Variants in PCDHB5 observed in about 807,000 individuals in gnomAD.
PCDHB5 encodes the protein protocadherin beta 5.
For synonymous variants in PCDHB5, 569 were observed against 462.2 expected (o/e 1.23, Z -2.96); for missense variants, 1,125 against 1,029.4 (o/e 1.09, Z -1.27).
At position 141,138,245 on chromosome 5, in the gene PCDHB5, A is replaced by G. The variant is rs782617036; in HGVS notation, c.*423A>G. On this transcript the variant is annotated 3_prime_UTR_variant, in exon 1 of 1. Transcript: ENST00000231134. ...TTTTAATTGTTTAAAACAAAGACAA[A>G]TACATACATATGCTAACAAATGAAA... is the stretch of plus-strand genomic sequence containing the variant. 5 of 157,784 alleles carry G rather than the reference A, an allele frequency of 3.2e-5. No homozygotes were observed. Among genetic ancestry groups the G allele is most frequent in the Non-Finnish European group, 5.6e-5 (4 of 71,176 alleles). 9.8% of individuals were successfully genotyped at this position (157,784 alleles called of 1,614,324 possible). A position where few individuals can be genotyped will look rare whatever the true frequency, so the allele number is the denominator to read the frequency against.
Position 141,135,973 on chromosome 5 carries a change from T to C in PCDHB5, c.539T>C (p.Val180Ala). Residue 180 changes from valine (V) to alanine (A), a missense_variant, in exon 1 of 1, where the codon GTT (valine) becomes GCT (alanine). Val to Ala is a moderately conservative substitution (Grantham distance 64). Coordinates refer to ENST00000231134, the MANE Select transcript of PCDHB5 (RefSeq NM_015669.5). ...YTISPNSHFH[V>A]ATHNRGDGRK... ...ATCAGCCCAAATTCACACTTTCATG[T>C]TGCTACGCATAATCGCGGAGATGGC... is the stretch of plus-strand genomic sequence containing the variant. The C allele has an allele frequency of 6.2e-7, 1 of 1,614,230 alleles. No homozygotes were observed. The highest frequency in any genetic ancestry group is 8.5e-7 in the Non-Finnish European group (1 of 1,180,044).
At position 141,135,906 on chromosome 5, in the gene PCDHB5, C is replaced by G. The variant is rs781787920; in HGVS notation, c.472C>G (p.Gln158Glu). 1 of 1,613,964 alleles carries G rather than the reference C, an allele frequency of 6.2e-7. No individual in the cohort carries two copies. The highest frequency in any genetic ancestry group is 1.7e-5 in the Admixed American group (1 of 59,992). Residue 158 changes from glutamine to glutamate, a missense_variant, in exon 1 of 1, where the codon CAG becomes GAG. By Grantham distance (29) the Gln-to-Glu change is conservative. Coordinates refer to ENST00000231134, the MANE Select transcript of PCDHB5 (RefSeq NM_015669.5). ...GACTGTGTTTCCCTTAAAAATAGCC[C>G]AGGACTTTGACATAGGTAGCAACAC... ...PGTVFPLKIAQDFDIGSNTVQ... is the reference protein window; with the variant it reads ...PGTVFPLKIAEDFDIGSNTVQ...
At position 141,137,616 on chromosome 5, in the gene PCDHB5, G is replaced by C. The variant is rs1752627204; in HGVS notation, c.2182G>C (p.Glu728Gln). The stretch of plus-strand genomic sequence containing the variant: ...CCCGGTCGGTCGCTGCTCGGTGCCC[G>C]AGGGCCCCTTTCCAGGGCATCTGGT... ...AAPVGRCSVP[E>Q]GPFPGHLVDV... Residue 728 changes from glutamate (E) to glutamine (Q), a missense_variant, in exon 1 of 1, where the codon GAG (glutamate) becomes CAG (glutamine). Coordinates refer to ENST00000231134, the MANE Select transcript of PCDHB5 (RefSeq NM_015669.5). 2.5e-6 allele frequency: 4 copies of C among 1,613,666 alleles called. No homozygotes were observed. The highest frequency in any genetic ancestry group is 4.5e-5 in the East Asian group (2 of 44,868).
At position 141,137,171 on chromosome 5, in the gene PCDHB5, C is replaced by T. The variant is rs782681551; in HGVS notation, c.1737C>T (p.Ala579=). ...GCACCGAGCTGGTGCCCCGGGCGGCCGAGCCGGGCTACCTGGTGACCAAGG... is the reference window on the plus strand; with the variant it reads ...GCACCGAGCTGGTGCCCCGGGCGGCTGAGCCGGGCTACCTGGTGACCAAGG... ...APCTELVPRA[A]EPGYLVTKVV... is the part of the protein sequence containing the mutation. The change falls in exon 1 of 1, where the codon GCC becomes GCT. Residue 579 remains alanine, a synonymous_variant. Transcript: ENST00000231134. 3.7e-6 allele frequency: 6 copies of T among 1,610,722 alleles called. No homozygotes were observed. The highest frequency in any genetic ancestry group is 1.7e-5 in the Admixed American group (1 of 59,980).
rs1563869653 is a variant in PCDHB5, at chr5:141,135,284, T to C, written c.-151T>C. On this transcript the variant is annotated 5_prime_UTR_variant, in exon 1 of 1. Transcript: ENST00000231134. ...ATCCAAACTCTAAAAGAAGGACGCA[T>C]TTTAGGTAAGATCTAGTGGCTAGAT... The C allele has an allele frequency of 1.7e-6, 1 of 590,522 alleles. No homozygotes were observed. Among genetic ancestry groups the C allele is most frequent in the Non-Finnish European group, 2.9e-6 (1 of 340,090 alleles). 36.6% of individuals were successfully genotyped at this position (590,522 alleles called of 1,614,324 possible).
In PCDHB5 at chr5:141,136,530, G is replaced by A. The variant is rs1554275925; in HGVS notation, c.1096G>A (p.Val366Ile). The A allele has an allele frequency of 4.3e-6, 7 of 1,613,914 alleles. No individual in the cohort carries two copies. The highest frequency in any genetic ancestry group is 3.3e-5 in the Admixed American group (2 of 59,992). Residue 366 changes from valine (V) to isoleucine (I), a missense_variant, in exon 1 of 1, where the codon GTT becomes ATT. Val to Ile is a conservative substitution (Grantham distance 29, BLOSUM62 3). Transcript: ENST00000231134. ...AAATGCCCCGGAAACTGTAGTTGCC[G>A]TTTTCAGTGTTTCTGATCCAGACTC... ...PENAPETVVA[V>I]FSVSDPDSGD...
Position 141,137,477 on chromosome 5 carries a change from G to A in PCDHB5, c.2043G>A (p.Gln681=). 1 of 1,612,726 alleles carries A rather than the reference G, an allele frequency of 6.2e-7. No individual in the cohort carries two copies. Among genetic ancestry groups the A allele is most frequent in the Non-Finnish European group, 8.5e-7 (1 of 1,179,730 alleles). ...CGGAGGCGGCCCCGGCCCAGGCCCA[G>A]GCCGACTCGCTCACTGTCTACCTGG... ...PLPEAAPAQA[Q]ADSLTVYLVV... is the part of the protein sequence containing the mutation. The change falls in exon 1 of 1, where the codon CAG becomes CAA. Residue 681 remains glutamine (Q), a synonymous_variant. Coordinates refer to ENST00000231134, the MANE Select transcript of PCDHB5 (RefSeq NM_015669.5).
rs1554275886 is a variant in PCDHB5, at chr5:141,136,370, A to G, written c.936A>G (p.Pro312=). 3 of 1,614,162 alleles carry G rather than the reference A, an allele frequency of 1.9e-6. No homozygotes were observed. Among genetic ancestry groups the G allele is most frequent in the East Asian group, 4.5e-5 (2 of 44,876 alleles). ...LKRALDFEAT[P]YYNVEIVATD... is the part of the protein sequence containing the mutation. ...GGGCATTGGATTTCGAGGCAACTCC[A>G]TATTATAACGTGGAAATTGTAGCCA... Residue 312 remains proline, a synonymous_variant, in exon 1 of 1, where the codon CCA becomes CCG. Transcript: ENST00000231134.
chr5:141,136,995 G>C lies in PCDHB5; in HGVS notation c.1561G>C (p.Glu521Gln). 1 of 1,612,332 alleles carries C rather than the reference G, an allele frequency of 6.2e-7. No individual in the cohort carries two copies. The highest frequency in any genetic ancestry group is 8.5e-7 in the Non-Finnish European group (1 of 1,179,898). Residue 521 changes from glutamate (E) to glutamine (Q), a missense_variant, in exon 1 of 1, where the codon GAG (glutamate) becomes CAG (glutamine). Transcript: ENST00000231134. ...GTTTGCCCTCAGGTCGCTGGACTAC[G>C]AGGCCCTGCAGGCGTTCGAGTTCCG... ...HLFALRSLDY[E>Q]ALQAFEFRVG...
Position 141,136,792 on chromosome 5 carries a change from C to T in PCDHB5, c.1358C>T (p.Thr453Ile), listed in dbSNP as rs782500005. 3.1e-6 allele frequency: 5 copies of T among 1,613,894 alleles called. No homozygotes were observed. The highest frequency in any genetic ancestry group is 3.4e-6 in the Non-Finnish European group (4 of 1,180,018). ...VNDNAPAFTQ[T>I]SYTLFVRENN... ...GACAACGCCCCCGCCTTCACCCAAACCTCCTACACCCTGTTCGTCCGAGAG... is the reference window on the plus strand; with the variant it reads ...GACAACGCCCCCGCCTTCACCCAAATCTCCTACACCCTGTTCGTCCGAGAG... The change falls in exon 1 of 1, where the codon ACC (threonine) becomes ATC (isoleucine). Residue 453 changes from threonine to isoleucine, a missense_variant. Coordinates refer to ENST00000231134, the MANE Select transcript of PCDHB5 (RefSeq NM_015669.5).
Position 141,136,428 on chromosome 5 carries a change from G to C in PCDHB5, c.994G>C (p.Val332Leu). The change falls in exon 1 of 1, where the codon GTG (valine) becomes CTG (leucine). Residue 332 changes from valine (V) to leucine (L), a missense_variant. Coordinates refer to ENST00000231134, the MANE Select transcript of PCDHB5 (RefSeq NM_015669.5). ...TGGGGGCCTTTCAGGAAAATGCACT[G>C]TGGCTATAGAAGTGGTGGATGTGAA... ...DGGGLSGKCT[V>L]AIEVVDVNDN... 1 of 1,614,040 alleles carries C rather than the reference G, an allele frequency of 6.2e-7. No individual in the cohort carries two copies. The highest frequency in any genetic ancestry group is 8.5e-7 in the Non-Finnish European group (1 of 1,179,988).
rs782509436 is a variant in PCDHB5, at chr5:141,136,917, C to A, written c.1483C>A (p.Pro495Thr). 3.7e-6 allele frequency: 6 copies of A among 1,612,674 alleles called. No individual in the cohort carries two copies. In the Admixed American group the frequency reaches 6.7e-5, roughly 18 times the overall value. Residue 495 changes from proline to threonine, a missense_variant, in exon 1 of 1, where the codon CCA becomes ACA. Coordinates refer to ENST00000231134, the MANE Select transcript of PCDHB5 (RefSeq NM_015669.5). ...CTACTCGCTGCTGCCGCCCCAGAAC[C>A]CACACCTGCGCCTCGCCTCCCTGGT... is the stretch of plus-strand genomic sequence containing the variant. ...VTYSLLPPQN[P>T]HLRLASLVSI...
Position 141,136,427 on chromosome 5 carries a change from T to C in PCDHB5, c.993T>C (p.Thr331=), listed in dbSNP as rs550123846. The change falls in exon 1 of 1, where the codon ACT becomes ACC. Residue 331 remains threonine (T), a synonymous_variant. Coordinates refer to ENST00000231134, the MANE Select transcript of PCDHB5 (RefSeq NM_015669.5). ...GTGGGGGCCTTTCAGGAAAATGCAC[T>C]GTGGCTATAGAAGTGGTGGATGTGA... ...TDGGGLSGKC[T]VAIEVVDVND... 6 of 1,614,100 alleles carry C rather than the reference T, an allele frequency of 3.7e-6. No individual in the cohort carries two copies. In the African/African-American group the frequency reaches 4.0e-5, roughly 11 times the overall value.
Position 141,137,829 on chromosome 5 carries a change from C to G in PCDHB5, c.*7C>G. ...TAGCTTTGGATTAAATTAGAGATCT[C>G]GTGATGACGCGTTGTTTTCTGCCAT... On this transcript the variant is annotated 3_prime_UTR_variant, in exon 1 of 1. Coordinates refer to ENST00000231134, the MANE Select transcript of PCDHB5 (RefSeq NM_015669.5). 4 of 1,563,556 alleles carry G rather than the reference C, an allele frequency of 2.6e-6. No individual in the cohort carries two copies. Among genetic ancestry groups the G allele is most frequent in the Non-Finnish European group, 3.5e-6 (4 of 1,154,144 alleles).
Position 141,135,311 on chromosome 5 carries a change from T to A in PCDHB5, c.-124T>A. ...TTAGGTAAGATCTAGTGGCTAGATCTTCAGGGTGGGCTTCGTTCTTGTGGA... is the reference window on the plus strand; with the variant it reads ...TTAGGTAAGATCTAGTGGCTAGATCATCAGGGTGGGCTTCGTTCTTGTGGA... On this transcript the variant is annotated 5_prime_UTR_variant, in exon 1 of 1. Transcript: ENST00000231134. 1 of 700,532 alleles carries A rather than the reference T, an allele frequency of 1.4e-6. No individual in the cohort carries two copies. The highest frequency in any genetic ancestry group is 1.9e-5 in the South Asian group (1 of 51,932). 43.4% of individuals were successfully genotyped at this position (700,532 alleles called of 1,614,324 possible). A position where few individuals can be genotyped will look rare whatever the true frequency, so the allele number is the denominator to read the frequency against.
rs151338173 is a variant in PCDHB5 at position 141,136,891 on chromosome 5, C to A, written c.1457C>A (p.Thr486Asn). The change falls in exon 1 of 1, where the codon ACC becomes AAC. Residue 486 changes from threonine (T) to asparagine (N), a missense_variant. Thr to Asn is a moderately conservative substitution (Grantham distance 65). Transcript: ENST00000231134. Reference sequence around the variant, plus strand: ...GACTCAGGCACCAACGCCCAGGTCACCTACTCGCTGCTGCCGCCCCAGAAC... The same window carrying A: ...GACTCAGGCACCAACGCCCAGGTCAACTACTCGCTGCTGCCGCCCCAGAAC... ...DRDSGTNAQVTYSLLPPQNPH... is the reference protein window; with the variant it reads ...DRDSGTNAQVNYSLLPPQNPH... 2.6e-4 allele frequency: 419 copies of A among 1,612,744 alleles called. 1 individual carries two copies. The African/African-American group carries it at 4.8e-3, about 18-fold the overall frequency.
Position 141,136,847 on chromosome 5 carries a change from T to G in PCDHB5, c.1413T>G (p.Ser471Arg). The change falls in exon 1 of 1, where the codon AGT becomes AGG. Residue 471 changes from serine to arginine, a missense_variant. By Grantham distance (110) the Ser-to-Arg change is moderately radical. Coordinates refer to ENST00000231134, the MANE Select transcript of PCDHB5 (RefSeq NM_015669.5). ...ENNSPALHIG[S>R]VSATDRDSGT... ...ACAGCCCCGCCCTGCACATCGGCAG[T>G]GTCAGCGCCACAGACAGAGACTCAG... is the stretch of plus-strand genomic sequence containing the variant. 1 of 1,613,036 alleles carries G rather than the reference T, an allele frequency of 6.2e-7. No homozygotes were observed. Among genetic ancestry groups the G allele is most frequent in the Non-Finnish European group, 8.5e-7 (1 of 1,180,018 alleles).
In PCDHB5 at chr5:141,136,239, T is replaced by C; in HGVS notation, c.805T>C (p.Leu269=). ...AGTTGTCGTTGTCTCCGCTCGAGAT[T>C]TAGATGCAGGAGCATATGGGAGTGT... The part of the protein sequence containing the change: ...SLVVVVSARD[L]DAGAYGSVAY... Residue 269 remains leucine, a synonymous_variant, in exon 1 of 1, where the codon TTA becomes CTA. Transcript: ENST00000231134. 6.2e-7 allele frequency: 1 copy of C among 1,614,140 alleles called. No homozygotes were observed. Among genetic ancestry groups the C allele is most frequent in the Non-Finnish European group, 8.5e-7 (1 of 1,180,014 alleles).
rs1381482216 is a variant in PCDHB5, at chr5:141,137,826, T to A, written c.*4T>A. ...GAATAGCTTTGGATTAAATTAGAGA[T>A]CTCGTGATGACGCGTTGTTTTCTGC... On this transcript the variant is annotated 3_prime_UTR_variant, in exon 1 of 1. Coordinates refer to ENST00000231134, the MANE Select transcript of PCDHB5 (RefSeq NM_015669.5). 6 of 1,577,194 alleles carry A rather than the reference T, an allele frequency of 3.8e-6. No homozygotes were observed. In the African/African-American group the frequency reaches 8.2e-5, roughly 21 times the overall value.
Sources: gnomAD v4.1 joint callset for allele counts on GRCh38, gnomAD v4.1.1 for gene constraint, MANE v1.5 for transcripts, NCBI Gene and HGNC (gene_info 2026-07-23, HGNC 2026-07-21) for gene names.